The following VPS13A variants were observed in gnomAD, a reference collection of about 807,000 sequenced individuals.
The protein encoded by VPS13A is intermembrane lipid transfer protein VPS13A.
VPS13A carries 264 observed loss-of-function variants against 390.9 expected under a neutral mutation model. That is an observed-to-expected ratio of 0.68 (90% CI 0.61 to 0.75). VPS13A has a LOEUF of 0.75. VPS13A is among the 30% of genes least tolerant of loss of function. The probability of loss-of-function intolerance (pLI) is 0.00; values close to 1 mark genes in which losing one functional copy is unlikely to be tolerated. For synonymous variants in VPS13A, 1,231 were observed against 1,227.1 expected, an observed-to-expected ratio of 1.00 and a Z score of -0.07; for missense variants, 3,409 against 3,733.9, an observed-to-expected ratio of 0.91 and a Z score of 2.27.
chr9:77,397,933 A>G (rs906003076), intron 68 of VPS13A, among the ~76,000 whole-genome samples: 1 of 152,232 alleles, frequency 6.6e-6, no homozygotes, highest in Admixed American at 6.5e-5. Flanking sequence ...ACATTTAAGC[A>G]TATAAATGAG....
At chr9:77,214,158 C>T (rs1590010977) in intron 9 of VPS13A, among the ~76,000 whole-genome samples, 171 bp from the exon 10 acceptor site, 1 of 152,078 alleles carries the variant, frequency 6.6e-6, no homozygotes, top group South Asian at 2.1e-4. Context: ...CGTCTGTAAT[C>T]CCAGCCACTC....
intron 67 of VPS13A, among the ~76,000 whole-genome samples, chr9:77,371,600 A>G (rs1284429578): frequency 6.6e-6 from 1 of 152,016 alleles, no homozygotes; most frequent in African/African-American, 2.4e-5. Context: ...AAACCATAGC[A>G]GTTACCAGCA....
chr9:77,186,692 T>C (rs1824359846), intron 1 of VPS13A, among the ~76,000 whole-genome samples: 1 of 152,182 alleles, frequency 6.6e-6, no homozygotes, highest in African/African-American at 2.4e-5. Context: ...CGCCTCGGCC[T>C]CCCAAAGTGC....
intron 68 of VPS13A, among the ~76,000 whole-genome samples, chr9:77,400,827 G>GAAAA (rs60578931): frequency 1.5e-5 from 2 of 133,472 alleles, no homozygotes; most frequent in Non-Finnish European, 1.6e-5. Context: ...GACTCTGTCT[G>GAAAA]AAAAAAAAAA....
intron 10 of VPS13A, among the ~76,000 whole-genome samples, chr9:77,215,986 G>A (rs529319907): frequency 6.6e-6 from 1 of 152,162 alleles, no homozygotes; most frequent in Non-Finnish European, 1.5e-5. Flanking sequence ...GAAGAACTCC[G>A]TGCTGGAGGA....
intron 23 of VPS13A, among the ~76,000 whole-genome samples, chr9:77,270,643 A>G (rs1185256249): frequency 1.3e-5 from 2 of 152,138 alleles, no homozygotes; most frequent in African/African-American, 4.8e-5. Context: ...GTGAGCCGAG[A>G]TTGTGCCACT....
intron 58 of VPS13A, among the ~76,000 whole-genome samples, chr9:77,359,960 A>G (rs1832050601): frequency 6.6e-6 from 1 of 152,114 alleles, no homozygotes; most frequent in South Asian, 2.1e-4. Flanking sequence ...ATTGTTTTGA[A>G]AAAGGAAAAC....
chr9:77,282,066 G>T, intron 28 of VPS13A, 55 bp from the exon 29 acceptor site: 1 of 1,572,462 alleles, frequency 6.4e-7, no homozygotes, highest in South Asian at 1.1e-5. Flanking sequence ...GCCTTGTAGA[G>T]AGCTGGCAAG....
intron 59 of VPS13A, among the ~76,000 whole-genome samples, chr9:77,364,686 C>A (rs1414260553): frequency 6.6e-6 from 1 of 152,150 alleles, no homozygotes; most frequent in Non-Finnish European, 1.5e-5. Flanking sequence ...TGTTAAAACA[C>A]CACGGATTCG....
At chr9:77,344,359 A>G (rs1415457340) in intron 51 of VPS13A, 78 bp downstream of exon 51, 2 of 1,457,222 alleles carry the variant, frequency 1.4e-6, no homozygotes, top group Non-Finnish European at 1.9e-6. Context: ...TATTTTTTGT[A>G]TCAAATAATT....
intron 10 of VPS13A, among the ~76,000 whole-genome samples, chr9:77,219,738 T>C (rs1455055484): frequency 6.6e-6 from 1 of 152,148 alleles, no homozygotes; most frequent in African/African-American, 2.4e-5. Flanking sequence ...TTTGCCTTTA[T>C]TGTATTTATG....
Position 77,345,227 on chromosome 9 carries a change from A to G in VPS13A, c.7289+85A>G, listed in dbSNP as rs1049749402. 5 of 1,357,960 alleles carry G rather than the reference A, an allele frequency of 3.7e-6. No homozygotes were observed. The South Asian group carries it at 6.0e-5, about 16-fold the overall frequency. The allele number at this position is 1,357,960 out of a possible 1,614,324, so 84.1% of individuals were successfully genotyped here. A position where few individuals can be genotyped will look rare whatever the true frequency, so the allele number is the denominator to read the frequency against. ...TTTTTTTTGATAATTTCTTAAGAGT[A>G]TAAACACTGATAATAGCATTGTAGC... On this transcript the variant is annotated intron_variant, in intron 52 of 71. Transcript: ENST00000360280.
At position 77,238,446 on chromosome 9, in the gene VPS13A, T is replaced by G. The variant is rs183474569; in HGVS notation, c.1900+60T>G. On this transcript the variant is annotated intron_variant, in intron 19 of 71. Coordinates refer to ENST00000360280, the MANE Select transcript of VPS13A (RefSeq NM_033305.3). ...CTGTATCCTATATTAAACTTTTATT[T>G]ATGGTAGAATGTTTTTAGTAAAGTT... The G allele has an allele frequency of 8.1e-6, 10 of 1,228,114 alleles. No homozygotes were observed. In the Admixed American group the frequency reaches 1.6e-4, roughly 19 times the overall value. The allele number at this position is 1,228,114 out of a possible 1,614,324, so 76.1% of individuals were successfully genotyped here. A position where few individuals can be genotyped will look rare whatever the true frequency, so the allele number is the denominator to read the frequency against.
chr9:77,230,312 G>A, intron 17 of VPS13A, among the ~76,000 whole-genome samples: 1 of 151,824 alleles, frequency 6.6e-6, no homozygotes, highest in East Asian at 1.9e-4. Flanking sequence ...TACTCCAGTG[G>A]TACAAATATA....
At chr9:77,339,479 T>A (rs1587616024) in intron 47 of VPS13A, 37 bp from the exon 48 acceptor site, 1 of 1,507,264 alleles carries the variant, frequency 6.6e-7, no homozygotes, top group South Asian at 1.3e-5. Context: ...TCTGCAACAT[T>A]TTAAATTTTG....
chr9:77,228,297 T>C, intron 17 of VPS13A, 33 bp downstream of exon 17: 1 of 1,543,692 alleles, frequency 6.5e-7, no homozygotes, highest in South Asian at 1.2e-5. Flanking sequence ...TTATCATATA[T>C]GAAAAAACTT....
intron 4 of VPS13A, 80 bp from the exon 5 acceptor site, chr9:77,205,898 A>G (rs751897811): frequency 8.6e-7 from 1 of 1,156,104 alleles, no homozygotes; most frequent in Non-Finnish European, 1.2e-6. Flanking sequence ...CCAATTAATG[A>G]TTATTTGTAA....
intron 24 of VPS13A, among the ~76,000 whole-genome samples, chr9:77,273,838 A>G (rs1429490471): frequency 6.6e-6 from 1 of 152,188 alleles, no homozygotes; most frequent in Admixed American, 6.5e-5. Context: ...TACCTTTACA[A>G]GGTAGATTTC....
intron 67 of VPS13A, among the ~76,000 whole-genome samples, chr9:77,373,249 C>A (rs1261546660): frequency 1.3e-5 from 2 of 149,106 alleles, no homozygotes; most frequent in South Asian, 4.4e-4. Context: ...TACAAGGCTA[C>A]AGTAACCAAA....
Sources: gnomAD v4.1 joint callset for allele counts (sites outside exome capture counted in the v4.1 genomes callset) on GRCh38, gnomAD v4.1.1 for gene constraint, MANE v1.5 for transcripts, NCBI Gene and HGNC (gene_info 2026-07-23, HGNC 2026-07-21) for gene names.